The following FAM81A variants were observed in gnomAD, a reference collection of about 807,000 sequenced individuals.
The protein encoded by FAM81A is family with sequence similarity 81 member A.
A neutral mutation model predicts 46.7 loss-of-function variants in FAM81A; 19 were observed. That is an observed-to-expected ratio of 0.41 (90% CI 0.28 to 0.60). The LOEUF (loss-of-function observed/expected upper bound fraction) is 0.60, where lower values mean the gene tolerates loss of function less well. Ranked by LOEUF, FAM81A falls within the 20% of genes least tolerant of loss-of-function variation. The probability of loss-of-function intolerance (pLI) is 0.34; values close to 1 mark genes in which losing one functional copy is unlikely to be tolerated. For missense variants in FAM81A, 377 were observed against 453.5 expected (o/e 0.83, Z 1.53); for synonymous variants, 183 against 152.9 (o/e 1.20, Z -1.45).
At chr15:59,476,981 G>A (rs1425263285) in intron 3 of FAM81A, among the ~76,000 whole-genome samples, 2 of 148,808 alleles carry the variant, frequency 1.3e-5, no homozygotes, top group Non-Finnish European at 3.0e-5. Context: ...TTAGCTGGGT[G>A]TGGTGGCAGG....
rs186796188 is a variant in FAM81A, at chr15:59,475,169, A to G, written c.294+14963A>G. On this transcript the variant is annotated intron_variant, in intron 3 of 8. Coordinates refer to ENST00000288228, the MANE Select transcript of FAM81A (RefSeq NM_152450.3). ...CAAAACCTTTTTTTTTTTTGAGACA[A>G]GGTCTCACTCCCTCACCCAGGCTGG... is the stretch of plus-strand genomic sequence containing the variant. 2.4e-3 allele frequency among the ~76,000 whole-genome samples: 362 copies of G among 151,978 alleles called. 1 individual carries two copies. The highest frequency in any genetic ancestry group is 3.7e-3 in the Non-Finnish European group (252 of 67,942).
intron 3 of FAM81A, among the ~76,000 whole-genome samples, chr15:59,487,791 C>T (rs1366408644): frequency 6.6e-6 from 1 of 152,070 alleles, no homozygotes; most frequent in Non-Finnish European, 1.5e-5. Flanking sequence ...AAGCCCTGGA[C>T]CCAATGGCTT....
intron 1 of FAM81A, among the ~76,000 whole-genome samples, chr15:59,449,538 T>C (rs1320648793): frequency 1.3e-5 from 2 of 152,068 alleles, no homozygotes; most frequent in Non-Finnish European, 2.9e-5. Context: ...TCCCAGCACT[T>C]TGGGAGGCCA....
intron 1 of FAM81A, among the ~76,000 whole-genome samples, chr15:59,398,164 C>A (rs1219308468): frequency 6.6e-6 from 1 of 152,176 alleles, no homozygotes; most frequent in Non-Finnish European, 1.5e-5. Context: ...TTACTGAACA[C>A]TTGCAGATAT....
rs139930342 is a variant in FAM81A, at chr15:59,399,095, G to C, written c.-160-3181G>C. ...GAGGCAGAAGAATCACTTGAACCTG[G>C]GAGGCGGAGGTTATGGTAAGACGAG... On this transcript the variant is annotated intron_variant, in intron 1 of 4. Coordinates refer to the FAM81A transcript ENST00000558348. Among the ~76,000 whole-genome samples, 1,008 of 152,206 alleles carry C rather than the reference G, an allele frequency of 6.6e-3. 7 individuals are homozygous for C. Among genetic ancestry groups the C allele is most frequent in the Non-Finnish European group, 0.011 (738 of 68,014 alleles).
At chr15:59,426,029 G>A (rs1227066186) in intron 2 of FAM81A, among the ~76,000 whole-genome samples, 1 of 152,184 alleles carries the variant, frequency 6.6e-6, no homozygotes, top group Non-Finnish European at 1.5e-5. Flanking sequence ...TGCAGTCAAT[G>A]AGTTTATGTT....
intron 2 of FAM81A, among the ~76,000 whole-genome samples, chr15:59,423,851 T>C (rs375802842): frequency 2.6e-5 from 4 of 152,380 alleles, no homozygotes; most frequent in African/African-American, 9.6e-5. Flanking sequence ...CACTGATTTC[T>C]CTTCCTTTAC....
intron 2 of FAM81A, among the ~76,000 whole-genome samples, chr15:59,429,228 G>GGATTTTC (rs1317953637): frequency 2.6e-5 from 4 of 152,124 alleles, no homozygotes; most frequent in African/African-American, 9.7e-5. Flanking sequence ...TTTGGATTTT[G>GGATTTTC]TTTTTATCTT....
Position 59,502,955 on chromosome 15 carries a change from A to C in FAM81A, c.414-4258A>C, listed in dbSNP as rs371590944. Among the ~76,000 whole-genome samples, 5 of 152,224 alleles carry C rather than the reference A, an allele frequency of 3.3e-5. No homozygotes were observed. In the East Asian group the frequency reaches 9.7e-4, roughly 29 times the overall value. Reference sequence around the variant, plus strand: ...AAGAATCAGAAATGCAATTAAATATACAAAATAAAAATGAAGCCTGGCCAG... The same window carrying C: ...AAGAATCAGAAATGCAATTAAATATCCAAAATAAAAATGAAGCCTGGCCAG... On this transcript the variant is annotated intron_variant, in intron 4 of 8. Transcript: ENST00000288228.
At chr15:59,487,519 A>G (rs1444514672) in intron 3 of FAM81A, among the ~76,000 whole-genome samples, 1 of 151,914 alleles carries the variant, frequency 6.6e-6, no homozygotes, top group African/African-American at 2.4e-5. Flanking sequence ...TAGCTAGACT[A>G]AGAAAAAAAC....
intron 4 of FAM81A, among the ~76,000 whole-genome samples, chr15:59,506,520 C>G: frequency 6.6e-6 from 1 of 152,168 alleles, no homozygotes; most frequent in East Asian, 1.9e-4. Flanking sequence ...CTCTACTGAG[C>G]CCAGTAGCAA....
Position 59,521,267 on chromosome 15 carries a change from C to T in FAM81A, c.996C>T (p.Val332=), listed in dbSNP as rs573253961. The change falls in exon 9 of 9, where the codon GTC becomes GTT. Residue 332 remains valine, a synonymous_variant. Coordinates refer to ENST00000288228, the MANE Select transcript of FAM81A (RefSeq NM_152450.3). ...CTCTCCTTCAAGGGTTTACAGCCGT[C>T]TATGAAAGCATAGGATCCCTCAGGC... ...KAEVNAGFTA[V]YESIGSLRQV... 2.5e-6 allele frequency: 4 copies of T among 1,613,416 alleles called. No homozygotes were observed. Among genetic ancestry groups the T allele is most frequent in the Non-Finnish European group, 3.4e-6 (4 of 1,179,612 alleles).
chr15:59,509,155 G>T (rs2082178876), intron 6 of FAM81A, among the ~76,000 whole-genome samples, 186 bp downstream of exon 6: 1 of 151,986 alleles, frequency 6.6e-6, no homozygotes, highest in Admixed American at 6.6e-5. Flanking sequence ...TTTGTGTTTG[G>T]ATAATTATCC....
intron 3 of FAM81A, among the ~76,000 whole-genome samples, chr15:59,491,315 A>G (rs992520343): frequency 6.6e-6 from 1 of 152,222 alleles, no homozygotes; most frequent in South Asian, 2.1e-4. Flanking sequence ...TAAGCCAGGC[A>G]CAGAAAGATA....
rs767189860 is a variant in FAM81A at position 59,514,423 on chromosome 15, G to C, written c.785G>C (p.Ser262Thr). The part of the protein sequence containing the change: ...DQLSLIVKEN[S>T]GASERDMEKK... ...CTTTCCTTGATTGTTAAGGAAAACA[G>C]TGTAGGTATTGATGTTTAGCAAAAA... Residue 262 changes from serine to threonine, a missense_variant and splice_region_variant, in exon 7 of 9, where the codon AGT becomes ACT. Physicochemically the swap from Ser to Thr is moderately conservative, Grantham distance 58. Coordinates refer to ENST00000288228, the MANE Select transcript of FAM81A (RefSeq NM_152450.3). The C allele has an allele frequency of 9.3e-6, 15 of 1,611,646 alleles. No homozygotes were observed. The highest frequency in any genetic ancestry group is 2.2e-5 in the South Asian group (2 of 90,900).
At chr15:59,435,747 A>G (rs2081240387), upstream of FAM81A, among the ~76,000 whole-genome samples, 1 of 152,250 alleles carries the variant, frequency 6.6e-6, no homozygotes, top group African/African-American at 2.4e-5. Context: ...GTTCTCTTTG[A>G]TAATTTTTTT....
At chr15:59,478,223 G>A (rs1310491243) in intron 3 of FAM81A, among the ~76,000 whole-genome samples, 21 of 152,074 alleles carry the variant, frequency 1.4e-4, no homozygotes, top group South Asian at 6.2e-4. Context: ...TAGAATCTGC[G>A]GACCTACTTT....
intron 7 of FAM81A, 77 bp from the exon 8 acceptor site, chr15:59,516,568 C>CA (rs1567079498): frequency 1.5e-5 from 21 of 1,424,378 alleles, no homozygotes; most frequent in Non-Finnish European, 1.9e-5. Context: ...TGTTGTTAAA[C>CA]GATATTATGG....
chr15:59,514,894 C>T (rs1012040473), intron 7 of FAM81A, among the ~76,000 whole-genome samples: 4 of 152,174 alleles, frequency 2.6e-5, no homozygotes, highest in Non-Finnish European at 4.4e-5. Flanking sequence ...TTTTCCTTCT[C>T]CTTCATCCCA....
Sources: allele counts gnomAD v4.1 joint callset (sites outside exome capture counted in the v4.1 genomes callset), GRCh38; gene constraint gnomAD v4.1.1; transcripts MANE v1.5; gene names NCBI Gene and HGNC (gene_info 2026-07-23, HGNC 2026-07-21).